The following CDH12 variants were observed in gnomAD, a reference collection of about 807,000 sequenced individuals.
CDH12 encodes the protein cadherin 12, also known as cadherin-12.
CDH12 carries 41 observed loss-of-function variants against 74.1 expected under a neutral mutation model. The ratio of observed to expected loss-of-function variants is 0.55; its 90% CI spans 0.43 to 0.72. The LOEUF is 0.72. Ranked by LOEUF, CDH12 falls within the 30% of genes least tolerant of loss-of-function variation. CDH12 has a pLI of 0.00. For synonymous variants in CDH12, 399 were observed against 355.0 expected (o/e 1.12, Z -1.39); for missense variants, 945 against 977.2 (o/e 0.97, Z 0.44).
At chr5:22,790,357 A>T (rs558211199) in intron 1 of CDH12, among the ~76,000 whole-genome samples, 1 of 152,302 alleles carries the variant, frequency 6.6e-6, no homozygotes, top group South Asian at 2.1e-4. Flanking sequence ...TTGAGAAGAA[A>T]GCTAGTACAA....
chr5:22,321,388 G>C (rs367975552), intron 3 of CDH12, among the ~76,000 whole-genome samples: 2 of 144,164 alleles, frequency 1.4e-5, no homozygotes, highest in Non-Finnish European at 3.0e-5. Context: ...GTAAACTATC[G>C]CAAGAACAAA....
intron 1 of CDH12, among the ~76,000 whole-genome samples, chr5:22,537,028 G>A (rs2126713432): frequency 6.6e-6 from 1 of 152,262 alleles, no homozygotes; most frequent in Non-Finnish European, 1.5e-5. Context: ...AAGGGCCTTT[G>A]CTTCTGAATC....
At chr5:21,764,266 C>A (rs1454860454) in intron 12 of CDH12, among the ~76,000 whole-genome samples, 1 of 151,422 alleles carries the variant, frequency 6.6e-6, no homozygotes, top group Non-Finnish European at 1.5e-5. Context: ...CCCAGCTACT[C>A]GGGAGGCTGA....
chr5:22,192,135 T>C (rs905129037), intron 4 of CDH12, among the ~76,000 whole-genome samples: 4 of 151,922 alleles, frequency 2.6e-5, no homozygotes, highest in African/African-American at 4.8e-5. Context: ...GGCTTCACCA[T>C]GTTGGCCAGG....
Position 22,110,390 on chromosome 5 carries a change from C to T in CDH12, c.-186-31528G>A, listed in dbSNP as rs149152966. On this transcript the variant is annotated intron_variant, in intron 4 of 14. Coordinates refer to ENST00000382254, the MANE Select transcript of CDH12 (RefSeq NM_004061.5). ...TTTAATAGACATGAGGCCAGGTACG[C>T]TACATGGGAGACAGGGGTAGTACTC... Among the ~76,000 whole-genome samples the T allele has an allele frequency of 2.8e-4, 43 of 151,520 alleles. No homozygotes were observed. In the East Asian group the frequency reaches 7.6e-3, roughly 27 times the overall value.
At chr5:22,257,563 G>A (rs980955800) in intron 3 of CDH12, among the ~76,000 whole-genome samples, 8 of 151,628 alleles carry the variant, frequency 5.3e-5, no homozygotes, top group East Asian at 1.9e-4. Context: ...GCAGTGGCGC[G>A]ATCTCGGTTT....
chr5:22,421,391 T>C (rs1743645916), intron 2 of CDH12, among the ~76,000 whole-genome samples: 1 of 152,112 alleles, frequency 6.6e-6, no homozygotes, highest in South Asian at 2.1e-4. Flanking sequence ...CCTGTGTCCA[T>C]GTGTTCTCAT....
chr5:22,175,461 G>A (rs1267247990), intron 4 of CDH12, among the ~76,000 whole-genome samples: 1 of 151,992 alleles, frequency 6.6e-6, no homozygotes, highest in South Asian at 2.1e-4. Context: ...TGGAAAACTT[G>A]AGAATGAAAA....
intron 2 of CDH12, among the ~76,000 whole-genome samples, chr5:22,425,913 C>G (rs976104319): frequency 6.6e-6 from 1 of 152,010 alleles, no homozygotes; most frequent in African/African-American, 2.4e-5. Context: ...CATTTCCACA[C>G]ATTTGCATAC....
intron 1 of CDH12, among the ~76,000 whole-genome samples, chr5:22,676,685 G>A (rs73742167): frequency 0.024 from 3,620 of 152,230 alleles, 142 homozygotes; most frequent in African/African-American, 0.083. Flanking sequence ...CCTTGCTCCA[G>A]ACCCTAGGTG....
At chr5:22,659,112 T>C (rs1740216808) in intron 1 of CDH12, among the ~76,000 whole-genome samples, 1 of 152,170 alleles carries the variant, frequency 6.6e-6, no homozygotes. Context: ...TCTAAATCTG[T>C]TGAATTTTCT....
intron 6 of CDH12, among the ~76,000 whole-genome samples, chr5:21,949,310 C>G (rs1248119319): frequency 6.6e-6 from 1 of 151,710 alleles, no homozygotes; most frequent in African/African-American, 2.4e-5. Flanking sequence ...ATTAGCCAGG[C>G]CTGGTGGGGG....
In CDH12 at chr5:22,725,262, C is replaced by T. The variant is rs569730293; in HGVS notation, c.-523+127796G>A. Among the ~76,000 whole-genome samples, 8 of 151,880 alleles carry T rather than the reference C, an allele frequency of 5.3e-5. No homozygotes were observed. The South Asian group carries it at 1.0e-3, about 20-fold the overall frequency. ...AATAAAATATTATGTGAACGTATTT[C>T]ATCATGTATAAAGTATAATCTAAAT... On this transcript the variant is annotated intron_variant, in intron 1 of 14. Transcript: ENST00000382254.
chr5:21,884,353 A>G, intron 6 of CDH12: 1 of 965,172 alleles, frequency 1.0e-6, no homozygotes, highest in Non-Finnish European at 1.7e-6. Context: ...GAACTGTGAC[A>G]GGAAGCCCAA....
rs149482105 is a variant in CDH12, at chr5:22,208,052, C to A, written c.-187+4446G>T. ...ATAACATATAAACAAAGTTTAGACA[C>A]CTTAACTGACTTGTCCAAGGCCACA... On this transcript the variant is annotated intron_variant, in intron 4 of 14. Coordinates refer to ENST00000382254, the MANE Select transcript of CDH12 (RefSeq NM_004061.5). 0.016 allele frequency among the ~76,000 whole-genome samples: 2,366 copies of A among 152,246 alleles called. 202 individuals carry two copies. In the East Asian group the frequency reaches 0.25, roughly 16 times the overall value.
intron 1 of CDH12, among the ~76,000 whole-genome samples, chr5:22,554,598 A>G (rs2126738970): frequency 6.6e-6 from 1 of 152,218 alleles, no homozygotes; most frequent in African/African-American, 2.4e-5. Context: ...CAATATCTAA[A>G]ACTACTGGTG....
intron 3 of CDH12, among the ~76,000 whole-genome samples, chr5:22,303,194 G>T (rs3099035): frequency 6.6e-6 from 1 of 152,120 alleles, no homozygotes; most frequent in African/African-American, 2.4e-5. Context: ...ATGAAAGGAC[G>T]TGTTTTAAAA....
intron 1 of CDH12, among the ~76,000 whole-genome samples, chr5:22,802,532 A>G (rs944158675): frequency 7.9e-5 from 12 of 152,218 alleles, no homozygotes; most frequent in African/African-American, 2.9e-4. Flanking sequence ...ACCATAGGAT[A>G]TTGTCTCCTA....
At chr5:22,128,678 C>A (rs1746016666) in intron 4 of CDH12, among the ~76,000 whole-genome samples, 2 of 152,200 alleles carry the variant, frequency 1.3e-5, no homozygotes, top group South Asian at 4.1e-4. Flanking sequence ...CTAAGATATT[C>A]TCACACTAAA....
Sources: allele counts gnomAD v4.1 joint callset (sites outside exome capture counted in the v4.1 genomes callset), GRCh38; gene constraint gnomAD v4.1.1; transcripts MANE v1.5; gene names NCBI Gene and HGNC (gene_info 2026-07-23, HGNC 2026-07-21).